The following ING5 variants were observed in gnomAD, a reference collection of about 807,000 sequenced individuals.
The protein encoded by ING5 is inhibitor of growth family member 5, also known as inhibitor of growth protein 5.
ING5 carries 17 observed loss-of-function variants against 37.4 expected under a neutral mutation model. The observed-to-expected ratio is 0.45, with a 90% CI of 0.31 to 0.68. The LOEUF (loss-of-function observed/expected upper bound fraction) is 0.68, where lower values mean the gene tolerates loss of function less well. ING5 is among the 30% of genes least tolerant of loss of function. The pLI is 0.05. For synonymous variants in ING5, 123 were observed against 116.6 expected (o/e 1.06, Z -0.36); for missense variants, 233 against 311.9 (o/e 0.75, Z 1.91).
At chr2:241,704,758 A>C in intron 2 of ING5, 34 bp downstream of exon 2, 1 of 1,570,860 alleles carries the variant, frequency 6.4e-7, no homozygotes, top group East Asian at 2.2e-5. Context: ...ACCAGAACTG[A>C]GTTCTGACAG....
intron 5 of ING5, chr2:241,720,531 G>C: frequency 2.1e-5 from 21 of 991,444 alleles, no homozygotes; most frequent in Non-Finnish European, 2.5e-5. Flanking sequence ...CCTTGCTCTG[G>C]CGAGGCAGAA....
At chr2:241,722,800 C>G in intron 5 of ING5, 139 bp from the exon 6 acceptor site, 1 of 1,502,128 alleles carries the variant, frequency 6.7e-7, no homozygotes, top group South Asian at 1.3e-5. Flanking sequence ...AGCACGGTAC[C>G]AATTTCCCCC....
upstream of ING5, among the ~76,000 whole-genome samples, chr2:241,700,956 A>AT (rs60064812): frequency 0.036 from 5,050 of 140,460 alleles, 402 homozygotes; most frequent in East Asian, 0.3. Flanking sequence ...TTTCTCCAGT[A>AT]TTTTTTTTTT....
At chr2:241,697,538 C>T (rs1308950647), upstream of ING5, among the ~76,000 whole-genome samples, 3 of 152,006 alleles carry the variant, frequency 2.0e-5, no homozygotes, top group South Asian at 2.1e-4. Context: ...CGGAAAGGCA[C>T]GCTGGGACCT....
intron 2 of ING5, among the ~76,000 whole-genome samples, chr2:241,706,257 G>A (rs902188961): frequency 1.3e-5 from 2 of 152,086 alleles, no homozygotes; most frequent in African/African-American, 4.8e-5. Flanking sequence ...AATCTTAAAT[G>A]TCTTCTTTTT....
chr2:241,702,435 C>T (rs933147372), intron 1 of ING5, among the ~76,000 whole-genome samples: 1 of 151,882 alleles, frequency 6.6e-6, no homozygotes, highest in African/African-American at 2.4e-5. Flanking sequence ...CTCATCTCCG[C>T]CCCCAGCTCC....
intron 5 of ING5, among the ~76,000 whole-genome samples, chr2:241,717,201 A>T (rs566913219): frequency 1.1e-4 from 16 of 151,776 alleles, no homozygotes; most frequent in African/African-American, 3.9e-4. Flanking sequence ...CAGCCTCCTG[A>T]GTAGCTGAGA....
intron 5 of ING5, chr2:241,721,707 T>A: frequency 1.0e-6 from 1 of 985,430 alleles, no homozygotes; most frequent in Non-Finnish European, 1.2e-6. Flanking sequence ...GGGAAGATAC[T>A]TTTTCTTTCT....
chr2:241,704,747 A>G (rs755592676), intron 2 of ING5, 23 bp downstream of exon 2: 1 of 1,598,178 alleles, frequency 6.3e-7, no homozygotes, highest in South Asian at 1.1e-5. Flanking sequence ...CTCTCCATAC[A>G]ACCAGAACTG....
intron 2 of ING5, among the ~76,000 whole-genome samples, chr2:241,691,875 C>T (rs2069562202): frequency 1.3e-5 from 2 of 152,038 alleles, no homozygotes; most frequent in Non-Finnish European, 2.9e-5. Flanking sequence ...GCAACATAGA[C>T]TTATTTGTAG....
At chr2:241,689,821 A>G (rs1428624222) in intron 1 of ING5, 1 of 152,118 alleles carries the variant, frequency 6.6e-6, no homozygotes, top group Non-Finnish European at 1.5e-5. Flanking sequence ...ATAAAATTCC[A>G]TCTTGTTGCC....
chr2:241,689,632 T>A (rs2069517350), intron 1 of ING5, among the ~76,000 whole-genome samples: 1 of 152,202 alleles, frequency 6.6e-6, no homozygotes. Context: ...CCGTTGTAGC[T>A]GATGGGCAGC....
chr2:241,696,564 G>A (rs1559295569), intron 2 of ING5, among the ~76,000 whole-genome samples: 2 of 151,336 alleles, frequency 1.3e-5, no homozygotes, highest in Non-Finnish European at 2.9e-5. Context: ...GGCTGGAGGA[G>A]TGCTTGAACC....
chr2:241,719,519 C>T lies in ING5; in HGVS notation c.483-3420C>T, dbSNP rs1046270845. On this transcript the variant is annotated intron_variant, in intron 5 of 7. Transcript: ENST00000313552. ...TTCTGAGTCTTCCTGCTCCTTCCTG[C>T]TCGGAACCTGAAGGCCCTGTCCCGA... The T allele has an allele frequency of 5.9e-6, 9 of 1,533,700 alleles. No homozygotes were observed. The Admixed American group carries it at 1.6e-4, about 27-fold the overall frequency.
intron 5 of ING5, among the ~76,000 whole-genome samples, chr2:241,716,261 C>T (rs918105532): frequency 6.8e-6 from 1 of 147,460 alleles, no homozygotes; most frequent in East Asian, 2.0e-4. Flanking sequence ...TTTTTCCCCA[C>T]TCTTGTCTTA....
At position 241,725,057 on chromosome 2, in the gene ING5, G is replaced by C; in HGVS notation, c.*26G>C. On this transcript the variant is annotated 3_prime_UTR_variant, in exon 8 of 8. Transcript: ENST00000313552. ...GAGGAGCTGTGTGCCCGGATCCGAGGAGCAAGTTAATCTGTCCCTTCATTC... is the reference window on the plus strand; with the variant it reads ...GAGGAGCTGTGTGCCCGGATCCGAGCAGCAAGTTAATCTGTCCCTTCATTC... The C allele has an allele frequency of 6.2e-7, 1 of 1,612,424 alleles. No individual in the cohort carries two copies. Among genetic ancestry groups the C allele is most frequent in the Non-Finnish European group, 8.5e-7 (1 of 1,178,434 alleles).
Position 241,704,690 on chromosome 2 carries a change from C to T in ING5, c.75C>T (p.Phe25=), listed in dbSNP as rs776795625. 2.5e-6 allele frequency: 4 copies of T among 1,614,048 alleles called. No homozygotes were observed. The African/African-American group carries it at 5.3e-5, about 22-fold the overall frequency. Reference sequence around the variant, plus strand: ...TTCCCTGCGAACTTCAGAGGAACTTCCAGCTGATGCGAGAGCTGGACCAGA... The same window carrying T: ...TTCCCTGCGAACTTCAGAGGAACTTTCAGCTGATGCGAGAGCTGGACCAGA... ...ENLPCELQRN[F]QLMRELDQRT... Residue 25 remains phenylalanine, a synonymous_variant, in exon 2 of 8, where the codon TTC becomes TTT. Transcript: ENST00000313552.
chr2:241,714,233 T>C (rs1287253976), intron 5 of ING5, among the ~76,000 whole-genome samples: 45 of 152,342 alleles, frequency 3.0e-4, no homozygotes, highest in Non-Finnish European at 1.3e-4. Context: ...GTTTCTTTAA[T>C]AGTTTTATAG....
At chr2:241,694,862 C>CA (rs111349213) in intron 2 of ING5, among the ~76,000 whole-genome samples, 1 of 59,434 alleles carries the variant, frequency 1.7e-5, no homozygotes, top group Non-Finnish European at 3.3e-5. Context: ...ACTAAAAATA[C>CA]AAAAAAAATT....
Sources: allele counts gnomAD v4.1 joint callset (sites outside exome capture counted in the v4.1 genomes callset), GRCh38; gene constraint gnomAD v4.1.1; transcripts MANE v1.5; gene names NCBI Gene and HGNC (gene_info 2026-07-23, HGNC 2026-07-21).